The following WDFY3 variants were observed in gnomAD, a reference collection of about 807,000 sequenced individuals.
WDFY3 encodes WD repeat and FYVE domain-containing protein 3.
A neutral mutation model predicts 409.6 loss-of-function variants in WDFY3; 66 were observed. The ratio of observed to expected loss-of-function variants is 0.16; its 90% confidence interval spans 0.13 to 0.20. WDFY3 has a LOEUF of 0.20. WDFY3 is among the 10% of genes least tolerant of loss of function. WDFY3 has a pLI of 1.00. For synonymous variants in WDFY3, 1,521 were observed against 1,537.1 expected (o/e 0.99, Z 0.25); for missense variants, 3,031 against 4,298.1 (o/e 0.71, Z 8.24).
At chr4:84,822,337 G>A (rs1001909659) in intron 10 of WDFY3, among the ~76,000 whole-genome samples, 2 of 152,074 alleles carry the variant, frequency 1.3e-5, no homozygotes, top group Admixed American at 1.3e-4. Context: ...TTAACATAGT[G>A]TCTGACAGAA....
intron 33 of WDFY3, among the ~76,000 whole-genome samples, chr4:84,756,557 C>T (rs1741488042): frequency 6.7e-6 from 1 of 149,726 alleles, no homozygotes. Flanking sequence ...TGCACTCTAG[C>T]CTGGGTGACA....
rs760330473 is a variant in WDFY3 at position 84,733,541 on chromosome 4, C to T, written c.7062G>A (p.Glu2354=). The T allele has an allele frequency of 4.3e-6, 7 of 1,614,064 alleles. No homozygotes were observed. Among genetic ancestry groups the T allele is most frequent in the Non-Finnish European group, 5.9e-6 (7 of 1,180,044 alleles). The change falls in exon 44 of 68, where the codon GAG becomes GAA. Residue 2354 remains glutamate (E), a synonymous_variant. Coordinates refer to ENST00000295888, the MANE Select transcript of WDFY3 (RefSeq NM_014991.6). The part of the protein sequence containing the change: ...WCQIECELLR[E]RGLWGPPIGS... ...CGATGGGAGGGCCCCACAGCCCCCG[C>T]TCCCTCAACAGCTCGCACTCGATCT... is the stretch of plus-strand genomic sequence containing the variant.
At position 84,887,790 on chromosome 4, in the gene WDFY3, CTTT is replaced by C. The variant is rs573770868; in HGVS notation, c.-32+9118_-32+9120del. On this transcript the variant is annotated intron_variant, in intron 3 of 67. Transcript: ENST00000295888. ...AGTACTCTTTTATTAAATGGAAGCT[CTTT>C]GTCTTTATGAAATACCTTTACTTAT... Among the ~76,000 whole-genome samples, 82 of 152,292 alleles carry C rather than the reference CTTT, an allele frequency of 5.4e-4. 1 individual carries two copies. The East Asian group carries it at 0.012, about 22-fold the overall frequency.
At chr4:84,907,098 T>C (rs796577138) in intron 2 of WDFY3, among the ~76,000 whole-genome samples, 3 of 152,282 alleles carry the variant, frequency 2.0e-5, no homozygotes, top group African/African-American at 7.2e-5. Flanking sequence ...TGGACAAAAG[T>C]ATTTTGCAGA....
At chr4:84,678,108 G>A in intron 66 of WDFY3, 60 bp downstream of exon 66, 1 of 1,255,236 alleles carries the variant, frequency 8.0e-7, no homozygotes. Flanking sequence ...GGAGTATGTG[G>A]CCCTTGGCTA....
chr4:84,925,415 A>G (rs1367445228), intron 2 of WDFY3, among the ~76,000 whole-genome samples: 3 of 152,038 alleles, frequency 2.0e-5, no homozygotes, highest in African/African-American at 7.2e-5. Context: ...CAAATGGACA[A>G]TGTGGATTTT....
At chr4:84,850,141 GTTAC>G in intron 4 of WDFY3, 116 bp from the exon 5 acceptor site, 2 of 1,101,926 alleles carry the variant, frequency 1.8e-6, no homozygotes, top group Non-Finnish European at 2.5e-6. Context: ...TACCTACACA[GTTAC>G]TTTGAATCTT....
chr4:84,861,698 G>A (rs1237711393), intron 3 of WDFY3, among the ~76,000 whole-genome samples: 1 of 152,180 alleles, frequency 6.6e-6, no homozygotes, highest in African/African-American at 2.4e-5. Flanking sequence ...GTGTATTACT[G>A]TGTACTGAAT....
chr4:84,848,961 T>G (rs559468684), intron 5 of WDFY3, among the ~76,000 whole-genome samples: 1 of 152,310 alleles, frequency 6.6e-6, no homozygotes, highest in South Asian at 2.1e-4. Flanking sequence ...GCTAAAGGTA[T>G]CACTTTACTT....
At chr4:84,786,505 C>T (rs1747574429) in intron 23 of WDFY3, among the ~76,000 whole-genome samples, 1 of 152,126 alleles carries the variant, frequency 6.6e-6, no homozygotes, top group South Asian at 2.1e-4. Context: ...AGCACTATGT[C>T]CCCTCCCCTA....
At chr4:84,868,273 T>C (rs972183329) in intron 3 of WDFY3, among the ~76,000 whole-genome samples, 7 of 150,988 alleles carry the variant, frequency 4.6e-5, no homozygotes, top group Non-Finnish European at 7.4e-5. Context: ...GAAAATCCTT[T>C]ACTTTGAAAA....
intron 3 of WDFY3, among the ~76,000 whole-genome samples, chr4:84,875,837 T>C (rs1762706369): frequency 6.6e-6 from 1 of 152,178 alleles, no homozygotes. Context: ...TGGAAGGTCT[T>C]CAGGGACGAT....
chr4:84,904,079 T>C (rs937302569), intron 2 of WDFY3, among the ~76,000 whole-genome samples: 1 of 152,166 alleles, frequency 6.6e-6, no homozygotes, highest in Non-Finnish European at 1.5e-5. Flanking sequence ...ATTAGTGTCC[T>C]TATAAAAGCT....
chr4:84,895,970 G>A (rs1003832565), intron 3 of WDFY3, among the ~76,000 whole-genome samples: 13 of 152,052 alleles, frequency 8.5e-5, no homozygotes, highest in African/African-American at 2.9e-4. Context: ...ATAAAAGGAT[G>A]AAAGAGGCTG....
At chr4:84,777,384 A>G (rs1745732863) in intron 27 of WDFY3, among the ~76,000 whole-genome samples, 1 of 152,128 alleles carries the variant, frequency 6.6e-6, no homozygotes, top group African/African-American at 2.4e-5. Context: ...TAAAATAATG[A>G]AAACATTGCT....
chr4:84,843,710 C>T (rs780858221), intron 5 of WDFY3, among the ~76,000 whole-genome samples: 61 of 152,174 alleles, frequency 4.0e-4, no homozygotes, highest in Non-Finnish European at 5.1e-4. Context: ...CCCAGCCTCA[C>T]GTTTTATTTT....
Position 84,829,099 on chromosome 4 carries a change from A to G in WDFY3, c.861T>C (p.Ser287=), listed in dbSNP as rs1336568199. 6.2e-7 allele frequency: 1 copy of G among 1,613,968 alleles called. No homozygotes were observed. Among genetic ancestry groups the G allele is most frequent in the Non-Finnish European group, 8.5e-7 (1 of 1,179,882 alleles). ...LEIVEMFAGL[S]CFLKDSSDVS... ...CATCGCTGGAATCTTTGAGGAAACA[A>G]GAAAGCCCAGCAAACATTTCGACAA... The change falls in exon 9 of 68, where the codon TCT becomes TCC. Residue 287 remains serine (S), a synonymous_variant. Coordinates refer to ENST00000295888, the MANE Select transcript of WDFY3 (RefSeq NM_014991.6).
At chr4:84,757,191 C>A (rs191567690) in intron 32 of WDFY3, 30 bp from the exon 33 acceptor site, 1 of 1,587,430 alleles carries the variant, frequency 6.3e-7, no homozygotes, top group Non-Finnish European at 8.6e-7. Context: ...ACAGTAAGTG[C>A]AAAATCAGCA....
At chr4:84,944,507 G>T (rs1674153119) in intron 1 of WDFY3, among the ~76,000 whole-genome samples, 1 of 151,984 alleles carries the variant, frequency 6.6e-6, no homozygotes, top group Admixed American at 6.6e-5. Context: ...ACTCCAGCCT[G>T]GGCGAGAGTC....
Sources: gnomAD v4.1 joint callset for allele counts (sites outside exome capture counted in the v4.1 genomes callset) on GRCh38, gnomAD v4.1.1 for gene constraint, MANE v1.5 for transcripts, NCBI Gene and HGNC (gene_info 2026-07-23, HGNC 2026-07-21) for gene names.